The following SLC12A6 variants were observed in gnomAD, a reference collection of about 807,000 sequenced individuals.
The protein encoded by SLC12A6 is solute carrier family 12 member 6.
Under a neutral mutation model 135.3 loss-of-function variants are expected in SLC12A6, and 66 were observed. The ratio of observed to expected loss-of-function variants is 0.49; its 90% CI spans 0.40 to 0.60. SLC12A6 has a LOEUF of 0.60. SLC12A6 is among the 20% of genes least tolerant of loss of function. The pLI is 0.00. For synonymous variants in SLC12A6, 513 were observed against 508.8 expected, an observed-to-expected ratio of 1.01 and a Z score of -0.11; for missense variants, 1,058 against 1,452.3, an observed-to-expected ratio of 0.73 and a Z score of 4.41.
chr15:34,281,226 ATGAT>A (rs1894660189), intron 2 of SLC12A6, among the ~76,000 whole-genome samples: 2 of 152,220 alleles, frequency 1.3e-5, no homozygotes, highest in African/African-American at 2.4e-5. Context: ...GTAATGATAA[ATGAT>A]TGAGACAATG....
chr15:34,275,073 A>C (rs1297507049), intron 3 of SLC12A6, among the ~76,000 whole-genome samples: 1 of 152,232 alleles, frequency 6.6e-6, no homozygotes, highest in East Asian at 1.9e-4. Context: ...TCTTTTCCAA[A>C]TTATCTTTAA....
intron 2 of SLC12A6, among the ~76,000 whole-genome samples, chr15:34,284,277 C>CTTTTTTTTTTTTTTTTTTTTTTTT (rs71415558): frequency 1.1e-5 from 1 of 92,488 alleles, no homozygotes; most frequent in Non-Finnish European, 2.0e-5. Flanking sequence ...TGTTTCTTTT[C>CTTTTTTTTTTTTTTTTTTTTTTTT]TTTTTTTTTT....
At chr15:34,241,573 C>G (rs1428266589) in intron 17 of SLC12A6, among the ~76,000 whole-genome samples, 1 of 152,158 alleles carries the variant, frequency 6.6e-6, no homozygotes, top group Admixed American at 6.5e-5. Flanking sequence ...AGGGGTCACT[C>G]ATTCAGTCCT....
intron 13 of SLC12A6, 149 bp downstream of exon 13, chr15:34,250,148 AC>A: frequency 2.8e-6 from 2 of 712,194 alleles, no homozygotes; most frequent in South Asian, 2.9e-5. Flanking sequence ...CATGCAATCC[AC>A]CTGCCTTGGC....
intron 2 of SLC12A6, among the ~76,000 whole-genome samples, chr15:34,308,647 A>AACAAC (rs1281970169): frequency 1.1e-4 from 17 of 151,556 alleles, no homozygotes; most frequent in African/African-American, 4.1e-4. Context: ...AAAAAAAAAA[A>AACAAC]AAAAACAAAC....
rs753623321 is a variant in SLC12A6, at chr15:34,240,757, G to A, written c.2340C>T (p.Ala780=). ...HVKHPRLLTF[A]SQLKAGKGLT... ...GACCTTTTCCTGCTTTGAGCTGTGA[G>A]GCAAAGGTGAGGAGGCGAGGATGCT... is the stretch of plus-strand genomic sequence containing the variant. The change falls in exon 19 of 26, where the codon GCC becomes GCT. Residue 780 remains alanine (A), a synonymous_variant. Coordinates refer to ENST00000354181, the MANE Select transcript of SLC12A6 (RefSeq NM_001365088.1). 12 of 1,614,046 alleles carry A rather than the reference G, an allele frequency of 7.4e-6. No individual in the cohort carries two copies. Among genetic ancestry groups the A allele is most frequent in the Non-Finnish European group, 1.0e-5 (12 of 1,179,886 alleles).
At chr15:34,307,807 T>A (rs1289657963) in intron 2 of SLC12A6, among the ~76,000 whole-genome samples, 1 of 152,158 alleles carries the variant, frequency 6.6e-6, no homozygotes, top group African/African-American at 2.4e-5. Flanking sequence ...GGCAATGAAG[T>A]AAGGGGAAGA....
chr15:34,285,834 G>A (rs1334542979), intron 2 of SLC12A6, among the ~76,000 whole-genome samples: 1 of 151,834 alleles, frequency 6.6e-6, no homozygotes, highest in Non-Finnish European at 1.5e-5. Context: ...GTCATACAAA[G>A]GCAAATACCA....
chr15:34,294,490 C>A (rs778075477), intron 2 of SLC12A6, among the ~76,000 whole-genome samples: 2 of 152,170 alleles, frequency 1.3e-5, no homozygotes, highest in African/African-American at 4.8e-5. Flanking sequence ...CTCTTGACCG[C>A]GTGATTCACC....
intron 2 of SLC12A6, among the ~76,000 whole-genome samples, chr15:34,293,743 G>T (rs1471515415): frequency 2.0e-5 from 3 of 152,110 alleles, no homozygotes; most frequent in Non-Finnish European, 4.4e-5. Flanking sequence ...GGGACTACAG[G>T]CATGTGCCGT....
chr15:34,316,267 T>G (rs1888643149), intron 2 of SLC12A6, among the ~76,000 whole-genome samples: 1 of 152,124 alleles, frequency 6.6e-6, no homozygotes, highest in Non-Finnish European at 1.5e-5. Flanking sequence ...TGGAAGTGCT[T>G]GTGAAAAAAC....
intron 2 of SLC12A6, among the ~76,000 whole-genome samples, chr15:34,276,452 G>T (rs1595481128): frequency 6.6e-6 from 1 of 152,152 alleles, no homozygotes; most frequent in Admixed American, 6.5e-5. Flanking sequence ...AAGAGATATT[G>T]ACAATCATCA....
intron 2 of SLC12A6, among the ~76,000 whole-genome samples, chr15:34,333,750 T>C (rs2141197653): frequency 6.6e-6 from 1 of 151,982 alleles, no homozygotes; most frequent in South Asian, 2.1e-4. Flanking sequence ...GCAGAAAAAA[T>C]TAAAATATAC....
At chr15:34,277,543 T>C (rs764561424) in intron 2 of SLC12A6, among the ~76,000 whole-genome samples, 2 of 152,084 alleles carry the variant, frequency 1.3e-5, no homozygotes, top group South Asian at 2.1e-4. Context: ...CTCTCTCTCT[T>C]AGGGAAAATT....
intron 2 of SLC12A6, among the ~76,000 whole-genome samples, chr15:34,285,710 G>C (rs1228758495): frequency 1.9e-4 from 6 of 31,128 alleles, no homozygotes; most frequent in Admixed American, 1.7e-3. Flanking sequence ...GTGTGTGTGT[G>C]TGTTTGTCAT....
chr15:34,293,091 T>C (rs948703679), intron 2 of SLC12A6, among the ~76,000 whole-genome samples: 2 of 152,212 alleles, frequency 1.3e-5, no homozygotes, highest in African/African-American at 4.8e-5. Flanking sequence ...ACCCATCTTC[T>C]GTGTCAATCT....
intron 2 of SLC12A6, among the ~76,000 whole-genome samples, chr15:34,335,767 T>C (rs548024916): frequency 6.6e-6 from 1 of 152,256 alleles, no homozygotes; most frequent in Non-Finnish European, 1.5e-5. Context: ...TCATCAGACT[T>C]TCCATCTAAA....
intron 2 of SLC12A6, among the ~76,000 whole-genome samples, chr15:34,322,940 C>T (rs1348198734): frequency 1.6e-5 from 2 of 126,562 alleles, no homozygotes; most frequent in Non-Finnish European, 3.1e-5. Context: ...GATTGCACCA[C>T]TGCACTCCAG....
chr15:34,288,379 A>G (rs1257062356), intron 2 of SLC12A6, among the ~76,000 whole-genome samples: 3 of 152,218 alleles, frequency 2.0e-5, no homozygotes, highest in African/African-American at 7.2e-5. Flanking sequence ...TGTTTTGGAT[A>G]CTGTAGCCTC....
Sources: gnomAD v4.1 joint callset for allele counts (sites outside exome capture counted in the v4.1 genomes callset) on GRCh38, gnomAD v4.1.1 for gene constraint, MANE v1.5 for transcripts, NCBI Gene and HGNC (gene_info 2026-07-23, HGNC 2026-07-21) for gene names.